The following ZMAT4 variants were observed in gnomAD, a reference collection of about 807,000 sequenced individuals.
ZMAT4 encodes zinc finger matrin-type 4, also known as zinc finger matrin-type protein 4.
In ZMAT4, 17 loss-of-function variants were observed where a neutral mutation model predicts 28.7. The observed-to-expected ratio is 0.59, with a 90% CI of 0.41 to 0.89. The LOEUF (loss-of-function observed/expected upper bound fraction) is 0.89. Among genes scored for constraint, ZMAT4 ranks in the 40% least tolerant of loss-of-function variants. The pLI, the probability that ZMAT4 is intolerant of heterozygous loss-of-function variation, is 0.00. For missense variants in ZMAT4, 240 were observed against 283.8 expected, an observed-to-expected ratio of 0.85 and a Z score of 1.11; for synonymous variants, 117 against 109.2, an observed-to-expected ratio of 1.07 and a Z score of -0.44.
intron 3 of ZMAT4, among the ~76,000 whole-genome samples, chr8:40,700,479 G>T (rs1178227071): frequency 7.1e-6 from 1 of 140,392 alleles, no homozygotes; most frequent in Non-Finnish European, 1.5e-5. Flanking sequence ...GTGCAGTGGT[G>T]CTATCGTAGC....
intron 1 of ZMAT4, among the ~76,000 whole-genome samples, chr8:40,882,455 G>A (rs1818313626): frequency 6.6e-6 from 1 of 152,092 alleles, no homozygotes; most frequent in Admixed American, 6.5e-5. Flanking sequence ...GGAAGTGCTG[G>A]AGCTGTGAAA....
chr8:40,619,583 T>C (rs2118686348), intron 5 of ZMAT4, among the ~76,000 whole-genome samples: 1 of 152,236 alleles, frequency 6.6e-6, no homozygotes, highest in Non-Finnish European at 1.5e-5. Context: ...CGGCAGAACC[T>C]GATTCTCTGA....
chr8:40,557,216 C>T (rs1398432542), intron 6 of ZMAT4, among the ~76,000 whole-genome samples: 1 of 152,100 alleles, frequency 6.6e-6, no homozygotes, highest in Non-Finnish European at 1.5e-5. Flanking sequence ...TTTACAATAG[C>T]AATGATATGG....
chr8:40,611,481 T>C (rs1805793124), intron 5 of ZMAT4, among the ~76,000 whole-genome samples: 1 of 152,032 alleles, frequency 6.6e-6, no homozygotes, highest in Middle Eastern at 3.2e-3. Context: ...GCTGGGAATA[T>C]AGGCGCACGC....
chr8:40,792,303 A>T (rs752193251), intron 2 of ZMAT4, among the ~76,000 whole-genome samples: 5 of 151,622 alleles, frequency 3.3e-5, no homozygotes, highest in Non-Finnish European at 5.9e-5. Flanking sequence ...TTTTATTTTT[A>T]AAAAGGAGAC....
chr8:40,824,359 C>T (rs553952639), intron 2 of ZMAT4, among the ~76,000 whole-genome samples: 1 of 152,274 alleles, frequency 6.6e-6, no homozygotes, highest in East Asian at 1.9e-4. Context: ...GTGGGAGGAT[C>T]GCTTGAGCCC....
At chr8:40,708,804 C>A (rs114822937) in intron 3 of ZMAT4, among the ~76,000 whole-genome samples, 1 of 151,644 alleles carries the variant, frequency 6.6e-6, no homozygotes, top group Non-Finnish European at 1.5e-5. Context: ...TGCGCACCAC[C>A]GCGACAGCTA....
At chr8:40,697,962 G>A (rs1809971285) in intron 3 of ZMAT4, among the ~76,000 whole-genome samples, 1 of 152,150 alleles carries the variant, frequency 6.6e-6, no homozygotes, top group African/African-American at 2.4e-5. Context: ...ATTAAAGTCT[G>A]TAAAATATCA....
intron 2 of ZMAT4, among the ~76,000 whole-genome samples, chr8:40,791,459 C>G (rs1179617976): frequency 6.6e-6 from 1 of 152,212 alleles, no homozygotes; most frequent in Non-Finnish European, 1.5e-5. Flanking sequence ...TGTATACTAT[C>G]AATAGCCCAT....
intron 5 of ZMAT4, among the ~76,000 whole-genome samples, chr8:40,632,366 T>C (rs1806623458): frequency 6.6e-6 from 1 of 152,116 alleles, no homozygotes; most frequent in South Asian, 2.1e-4. Context: ...TATTACTAGT[T>C]GGTAATGTGC....
intron 6 of ZMAT4, among the ~76,000 whole-genome samples, chr8:40,532,794 A>G (rs1190078015): frequency 5.9e-5 from 9 of 152,074 alleles, no homozygotes; most frequent in Non-Finnish European, 1.2e-4. Flanking sequence ...TCAGGATATC[A>G]AGACTATCCT....
chr8:40,638,784 T>C (rs1806890815), intron 5 of ZMAT4, among the ~76,000 whole-genome samples: 1 of 152,228 alleles, frequency 6.6e-6, no homozygotes, highest in African/African-American at 2.4e-5. Context: ...ATATCCACTA[T>C]TTGGATTTCT....
At chr8:40,548,920 G>C (rs2118412388) in intron 6 of ZMAT4, among the ~76,000 whole-genome samples, 1 of 152,308 alleles carries the variant, frequency 6.6e-6, no homozygotes, top group South Asian at 2.1e-4. Flanking sequence ...AGATTCAAGA[G>C]AAGCAAGCTA....
At chr8:40,642,179 G>A (rs1226988719) in intron 5 of ZMAT4, among the ~76,000 whole-genome samples, 6 of 152,030 alleles carry the variant, frequency 3.9e-5, no homozygotes, top group African/African-American at 4.8e-5. Flanking sequence ...CTTATTGTAC[G>A]CAGGTTAAAA....
intron 5 of ZMAT4, among the ~76,000 whole-genome samples, chr8:40,606,631 T>C (rs947484828): frequency 2.6e-5 from 4 of 152,248 alleles, no homozygotes; most frequent in Admixed American, 1.3e-4. Context: ...CGTCTTGACT[T>C]TAGATAACCT....
At chr8:40,841,383 C>A (rs1373172294) in intron 1 of ZMAT4, among the ~76,000 whole-genome samples, 1 of 152,172 alleles carries the variant, frequency 6.6e-6, no homozygotes, top group Non-Finnish European at 1.5e-5. Flanking sequence ...CTCCAGAGGC[C>A]GCCCCCCTGC....
chr8:40,872,051 C>A (rs1235779845), intron 1 of ZMAT4, among the ~76,000 whole-genome samples: 1 of 152,190 alleles, frequency 6.6e-6, no homozygotes, highest in African/African-American at 2.4e-5. Context: ...GTTCTGGCAG[C>A]TGCAGCCATC....
intron 2 of ZMAT4, among the ~76,000 whole-genome samples, chr8:40,772,980 A>G (rs7815752): frequency 0.82 from 124,585 of 152,072 alleles, 52,554 homozygotes; most frequent in Non-Finnish European, 0.94. Flanking sequence ...CATCCTGGCA[A>G]AACCCCAGGA....
chr8:40,580,934 A>G, intron 6 of ZMAT4, among the ~76,000 whole-genome samples: 1 of 152,332 alleles, frequency 6.6e-6, no homozygotes, highest in South Asian at 2.1e-4. Flanking sequence ...ATTTCATAAA[A>G]GTATGCTAAA....
Sources: gnomAD v4.1 joint callset for allele counts (sites outside exome capture counted in the v4.1 genomes callset) on GRCh38, gnomAD v4.1.1 for gene constraint, MANE v1.5 for transcripts, NCBI Gene and HGNC (gene_info 2026-07-23, HGNC 2026-07-21) for gene names.